The following SGCZ variants were observed in gnomAD, a reference collection of about 807,000 sequenced individuals.
SGCZ encodes the protein zeta-sarcoglycan.
SGCZ carries 40 observed loss-of-function variants against 41.3 expected under a neutral mutation model. The observed-to-expected ratio is 0.97, with a 90% confidence interval of 0.75 to 1.26. The LOEUF (loss-of-function observed/expected upper bound fraction) is 1.26, where lower values mean the gene tolerates loss of function less well. Among genes scored for constraint, SGCZ ranks in the 50% most tolerant of loss-of-function variants. SGCZ has a pLI of 0.00. For synonymous variants in SGCZ, 206 were observed against 137.5 expected (o/e 1.50, Z -3.49); for missense variants, 552 against 369.8 (o/e 1.49, Z -4.04).
chr8:14,116,098 A>C (rs994028754), intron 5 of SGCZ, among the ~76,000 whole-genome samples: 1 of 152,108 alleles, frequency 6.6e-6, no homozygotes, highest in African/African-American at 2.4e-5. Flanking sequence ...AAATCAGTAA[A>C]GAAATTGTCT....
intron 3 of SGCZ, among the ~76,000 whole-genome samples, chr8:14,254,206 G>A (rs543332164): frequency 2.8e-4 from 42 of 152,064 alleles, no homozygotes; most frequent in African/African-American, 9.6e-4. Context: ...TGAGTTTACC[G>A]GCAGTTAAGG....
chr8:14,959,268 A>G (rs895791112), intron 1 of SGCZ, among the ~76,000 whole-genome samples: 3 of 152,120 alleles, frequency 2.0e-5, no homozygotes, highest in African/African-American at 7.2e-5. Context: ...TACAATGGAG[A>G]TGGAAATGAA....
chr8:14,336,905 A>G (rs1224110445), intron 2 of SGCZ, among the ~76,000 whole-genome samples: 1 of 152,086 alleles, frequency 6.6e-6, no homozygotes, highest in Non-Finnish European at 1.5e-5. Flanking sequence ...TCTAATCCTC[A>G]TAATGGACCA....
intron 3 of SGCZ, among the ~76,000 whole-genome samples, chr8:14,240,702 T>C (rs1293808531): frequency 2.6e-5 from 4 of 152,210 alleles, no homozygotes; most frequent in African/African-American, 9.6e-5. Context: ...AAGTATCCAT[T>C]TTTGATAAAT....
chr8:14,925,125 T>A (rs141298208), intron 1 of SGCZ, among the ~76,000 whole-genome samples: 1 of 152,208 alleles, frequency 6.6e-6, no homozygotes, highest in East Asian at 1.9e-4. Context: ...CCCAAAGTGC[T>A]GGGATTATAG....
At chr8:14,370,139 G>C (rs1803860442) in intron 2 of SGCZ, among the ~76,000 whole-genome samples, 1 of 151,924 alleles carries the variant, frequency 6.6e-6, no homozygotes, top group African/African-American at 2.4e-5. Context: ...GAGGTGACTA[G>C]TTTGACACAA....
chr8:14,766,393 T>C lies in SGCZ; in HGVS notation c.40-211467A>G, dbSNP rs1024197396. On this transcript the variant is annotated intron_variant, in intron 1 of 7. Transcript: ENST00000382080. Reference sequence around the variant, plus strand: ...GAAATGTAACTCAAAAGAATTTGTTTACTTATTGGATCTTGTTCTAAATGA... The same window carrying C: ...GAAATGTAACTCAAAAGAATTTGTTCACTTATTGGATCTTGTTCTAAATGA... 4.6e-5 allele frequency among the ~76,000 whole-genome samples: 7 copies of C among 152,254 alleles called. 1 individual carries two copies. The highest frequency in any genetic ancestry group is 2.0e-4 in the Admixed American group (3 of 15,280).
chr8:14,822,392 T>G, intron 1 of SGCZ, among the ~76,000 whole-genome samples: 1 of 152,166 alleles, frequency 6.6e-6, no homozygotes, highest in East Asian at 1.9e-4. Flanking sequence ...GAATTAACAT[T>G]GTTAAAATGA....
intron 1 of SGCZ, among the ~76,000 whole-genome samples, chr8:14,561,856 G>A (rs1335294388): frequency 6.6e-6 from 1 of 152,082 alleles, no homozygotes; most frequent in Non-Finnish European, 1.5e-5. Context: ...ATGTTATAAG[G>A]TTCAATGAAA....
At chr8:14,931,480 C>T (rs1277458342) in intron 1 of SGCZ, among the ~76,000 whole-genome samples, 1 of 151,934 alleles carries the variant, frequency 6.6e-6, no homozygotes, top group African/African-American at 2.4e-5. Context: ...TATTTCAATT[C>T]TCTCATTAGT....
At chr8:14,227,274 T>G (rs7838226) in intron 4 of SGCZ, among the ~76,000 whole-genome samples, 90,720 of 151,850 alleles carry the variant, frequency 0.6, 27,439 homozygotes, top group East Asian at 0.76. Flanking sequence ...TTCTTTATTC[T>G]AATTATGACA....
chr8:14,105,791 A>C (rs1364947459), intron 6 of SGCZ, among the ~76,000 whole-genome samples: 1 of 152,160 alleles, frequency 6.6e-6, no homozygotes, highest in Non-Finnish European at 1.5e-5. Flanking sequence ...TGAATTGTGA[A>C]ATATGTCAGC....
At chr8:15,007,274 T>G (rs1802638808) in intron 1 of SGCZ, among the ~76,000 whole-genome samples, 2 of 152,238 alleles carry the variant, frequency 1.3e-5, no homozygotes, top group South Asian at 4.1e-4. Context: ...ATGACAGATT[T>G]TGATACTATG....
chr8:15,032,321 G>A (rs925398985), intron 1 of SGCZ, among the ~76,000 whole-genome samples: 1 of 152,158 alleles, frequency 6.6e-6, no homozygotes, highest in Non-Finnish European at 1.5e-5. Context: ...ACACATTGAA[G>A]AGGTTAACAA....
At chr8:14,992,485 C>A (rs550848602) in intron 1 of SGCZ, among the ~76,000 whole-genome samples, 2 of 147,488 alleles carry the variant, frequency 1.4e-5, no homozygotes, top group South Asian at 4.4e-4. Context: ...AATCTACTCC[C>A]AAAACCAGTG....
intron 1 of SGCZ, among the ~76,000 whole-genome samples, chr8:14,975,621 G>A (rs1801441986): frequency 1.3e-5 from 2 of 152,118 alleles, no homozygotes; most frequent in African/African-American, 4.8e-5. Context: ...CATATGTGTA[G>A]TATGCTTTGT....
In SGCZ at chr8:14,086,348, G is replaced by A. The variant is rs17118601; in HGVS notation, c.*4095C>T. 2.5e-3 allele frequency among the ~76,000 whole-genome samples: 375 copies of A among 151,714 alleles called. 9 individuals are homozygous for A. The East Asian group carries it at 0.058, about 23-fold the overall frequency. ...ATTAGACGCTCTCCAGGCTATTGCT[G>A]CCTCATACAGAGATACCATGTTTGC... On this transcript the variant is annotated 3_prime_UTR_variant, in exon 8 of 8. Coordinates refer to ENST00000382080, the MANE Select transcript of SGCZ (RefSeq NM_139167.4).
chr8:14,324,808 T>C (rs1209447093), intron 2 of SGCZ, among the ~76,000 whole-genome samples: 2 of 152,100 alleles, frequency 1.3e-5, no homozygotes, highest in African/African-American at 2.4e-5. Context: ...AGAGTGCTAC[T>C]GGGAATTAAA....
chr8:14,208,108 A>G (rs1489409921), intron 4 of SGCZ, among the ~76,000 whole-genome samples: 1 of 152,184 alleles, frequency 6.6e-6, no homozygotes, highest in Non-Finnish European at 1.5e-5. Flanking sequence ...TGTACTTCCT[A>G]CTAACCATGT....
Sources: allele counts gnomAD v4.1 joint callset (sites outside exome capture counted in the v4.1 genomes callset), GRCh38; gene constraint gnomAD v4.1.1; transcripts MANE v1.5; gene names NCBI Gene and HGNC (gene_info 2026-07-23, HGNC 2026-07-21).